SYN2: variants seen among roughly 807,000 people sequenced by gnomAD.
The protein encoded by SYN2 is synapsin II.
A neutral mutation model predicts 50.9 loss-of-function variants in SYN2; 19 were observed. That is an observed-to-expected ratio of 0.37 (90% CI 0.26 to 0.55). The LOEUF (loss-of-function observed/expected upper bound fraction) is 0.55. SYN2 is among the 20% of genes least tolerant of loss of function. The pLI, the probability that SYN2 is intolerant of heterozygous loss-of-function variation, is 0.81. For synonymous variants in SYN2, 255 were observed against 224.9 expected, an observed-to-expected ratio of 1.13 and a Z score of -1.20; for missense variants, 587 against 576.4, an observed-to-expected ratio of 1.02 and a Z score of -0.19.
In SYN2 at chr3:12,085,373, A is replaced by ACGCATG. The variant is rs796468363; in HGVS notation, c.378-55277_378-55276insGCATGC. Among the ~76,000 whole-genome samples the ACGCATG allele has an allele frequency of 2.1e-3, 320 of 150,282 alleles. 3 individuals are homozygous for ACGCATG. Among genetic ancestry groups the ACGCATG allele is most frequent in the South Asian group, 9.4e-3 (45 of 4,770 alleles). Reference sequence around the variant, plus strand: ...GGAATACACACACACACACACACACACACACACGCACGCACGCACGCACTC... The same window carrying ACGCATG: ...GGAATACACACACACACACACACACACGCATGCACACACGCACGCACGCACGCACTC... On this transcript the variant is annotated intron_variant, in intron 1 of 12. Coordinates refer to ENST00000621198, the MANE Select transcript of SYN2 (RefSeq NM_133625.6).
chr3:12,173,920 T>C (rs1263213598), intron 10 of SYN2, among the ~76,000 whole-genome samples: 3 of 152,018 alleles, frequency 2.0e-5, no homozygotes. Context: ...AAAGAAAAAG[T>C]CATCTCCATG....
At chr3:12,010,379 A>G (rs1236809933) in intron 1 of SYN2, among the ~76,000 whole-genome samples, 1 of 152,230 alleles carries the variant, frequency 6.6e-6, no homozygotes, top group Non-Finnish European at 1.5e-5. Flanking sequence ...CAAATTTACA[A>G]GGGATATAAG....
Position 12,163,321 on chromosome 3 carries a change from A to T in SYN2, c.980+1167A>T, listed in dbSNP as rs553150766. On this transcript the variant is annotated intron_variant, in intron 7 of 12. Transcript: ENST00000621198. ...AGAACATTATTAATATATAGATTTG[A>T]TCTTGGTCACTCAGGACTTCAGCAG... is the stretch of plus-strand genomic sequence containing the variant. Among the ~76,000 whole-genome samples, 10 of 151,386 alleles carry T rather than the reference A, an allele frequency of 6.6e-5. No homozygotes were observed. In the East Asian group the frequency reaches 1.8e-3, roughly 27 times the overall value.
chr3:12,132,900 A>G (rs1696824033), intron 1 of SYN2, among the ~76,000 whole-genome samples: 1 of 152,172 alleles, frequency 6.6e-6, no homozygotes, highest in South Asian at 2.1e-4. Context: ...TTCCTTTACC[A>G]GATTGTAGTT....
At chr3:12,179,672 CAT>C (rs2125252467) in intron 10 of SYN2, among the ~76,000 whole-genome samples, 1 of 152,328 alleles carries the variant, frequency 6.6e-6, no homozygotes. Context: ...CCCAAAGTCA[CAT>C]GTGTAAAGTT....
At chr3:12,104,304 A>C (rs566181234) in intron 1 of SYN2, among the ~76,000 whole-genome samples, 28 of 152,274 alleles carry the variant, frequency 1.8e-4, no homozygotes, top group Admixed American at 7.8e-4. Flanking sequence ...GGTTAAACTT[A>C]GGCTTAATTT....
At chr3:12,098,834 A>G (rs1696002850) in intron 1 of SYN2, among the ~76,000 whole-genome samples, 1 of 140,628 alleles carries the variant, frequency 7.1e-6, no homozygotes, top group Admixed American at 7.4e-5. Context: ...CATTAAAGTC[A>G]CAAATAGGTT....
At chr3:12,121,558 C>G (rs528416834) in intron 1 of SYN2, among the ~76,000 whole-genome samples, 3 of 149,776 alleles carry the variant, frequency 2.0e-5, no homozygotes, top group African/African-American at 7.4e-5. Flanking sequence ...ATATATCAGT[C>G]AATGTTCTCC....
chr3:12,111,001 A>G (rs1439542469), intron 1 of SYN2, among the ~76,000 whole-genome samples: 1 of 152,138 alleles, frequency 6.6e-6, no homozygotes, highest in Non-Finnish European at 1.5e-5. Context: ...TTGGGAAGGC[A>G]TGGTTGGTTT....
At chr3:12,165,332 T>C (rs1020771569) in intron 7 of SYN2, 2 of 152,224 alleles carry the variant, frequency 1.3e-5, no homozygotes, top group Non-Finnish European at 2.9e-5. Context: ...ATGTATGATA[T>C]GGTGATGGGC....
chr3:12,130,291 T>C (rs1559432164), intron 1 of SYN2, among the ~76,000 whole-genome samples: 1 of 152,016 alleles, frequency 6.6e-6, no homozygotes, highest in Non-Finnish European at 1.5e-5. Context: ...TTCACAGTTA[T>C]GAGGCTGAGA....
chr3:12,005,003 G>C (rs1284545354), intron 1 of SYN2, 75 bp downstream of exon 1: 4 of 409,482 alleles, frequency 9.8e-6, no homozygotes, highest in Non-Finnish European at 1.7e-5. Flanking sequence ...ACGGTCCCAG[G>C]TCGCCGAGGA....
Position 12,187,500 on chromosome 3 carries a change from C to G in SYN2, c.1501C>G (p.Pro501Ala). Residue 501 changes from proline to alanine, a missense_variant, in exon 12 of 13, where the codon CCG (proline) becomes GCG (alanine). Transcript: ENST00000621198. Reference sequence around the variant, plus strand: ...TTCCTCCTCCTCGGCTCCTCAGCGGCCGGGCGGCCCCACCACCCACGGAGA... The same window carrying G: ...TTCCTCCTCCTCGGCTCCTCAGCGGGCGGGCGGCCCCACCACCCACGGAGA... Reference protein sequence around the residue: ...SSSSSSAPQRPGGPTTHGDAP... With the variant: ...SSSSSSAPQRAGGPTTHGDAP... 1 of 1,553,822 alleles carries G rather than the reference C, an allele frequency of 6.4e-7. No homozygotes were observed.
chr3:12,077,734 G>T (rs578134048), intron 1 of SYN2, among the ~76,000 whole-genome samples: 2 of 152,200 alleles, frequency 1.3e-5, no homozygotes, highest in South Asian at 4.2e-4. Flanking sequence ...TGGGCATTTG[G>T]GTTGATTTCA....
intron 4 of SYN2, among the ~76,000 whole-genome samples, chr3:12,146,995 A>G (rs11708978): frequency 0.05 from 7,551 of 152,204 alleles, 210 homozygotes; most frequent in Non-Finnish European, 0.066. Context: ...CCCCCAGGTA[A>G]AAGGCTAGGA....
chr3:12,005,019 T>A (rs1693765370), intron 1 of SYN2, 91 bp downstream of exon 1: 1 of 394,162 alleles, frequency 2.5e-6, no homozygotes, highest in Non-Finnish European at 4.5e-6. Context: ...GAGGAAACGT[T>A]TCAGACCAAT....
At chr3:12,057,702 G>C (rs1006576560) in intron 1 of SYN2, among the ~76,000 whole-genome samples, 3 of 152,088 alleles carry the variant, frequency 2.0e-5, no homozygotes, top group Non-Finnish European at 4.4e-5. Flanking sequence ...TGGATAACTG[G>C]TTTCCAATCT....
At chr3:12,133,485 C>T (rs895147177) in intron 1 of SYN2, among the ~76,000 whole-genome samples, 1 of 152,172 alleles carries the variant, frequency 6.6e-6, no homozygotes, top group African/African-American at 2.4e-5. Flanking sequence ...TATGTCATTT[C>T]ATTAAATCTG....
chr3:12,016,165 A>G (rs979099047), intron 1 of SYN2, among the ~76,000 whole-genome samples: 1 of 152,204 alleles, frequency 6.6e-6, no homozygotes, highest in East Asian at 1.9e-4. Context: ...ATATGAATAT[A>G]TATTTCCCTC....
Sources: allele counts gnomAD v4.1 joint callset (sites outside exome capture counted in the v4.1 genomes callset), GRCh38; gene constraint gnomAD v4.1.1; transcripts MANE v1.5; gene names NCBI Gene and HGNC (gene_info 2026-07-23, HGNC 2026-07-21).